The following NSMAF variants were observed in gnomAD, a reference collection of about 807,000 sequenced individuals.
NSMAF encodes the protein neutral sphingomyelinase activation associated factor, also known as protein FAN.
Under a neutral mutation model 134.9 loss-of-function variants are expected in NSMAF, and 90 were observed. The ratio of observed to expected loss-of-function variants is 0.67; its 90% confidence interval spans 0.56 to 0.79. The LOEUF (loss-of-function observed/expected upper bound fraction) is 0.79, where lower values mean the gene tolerates loss of function less well. NSMAF is among the 30% of genes least tolerant of loss of function. The pLI is 0.00. For missense variants in NSMAF, 1,010 were observed against 1,119.0 expected (o/e 0.90, Z 1.39); for synonymous variants, 358 against 389.6 (o/e 0.92, Z 0.96).
At position 58,659,750 on chromosome 8, in the gene NSMAF, C is replaced by G. The variant is rs978666149; in HGVS notation, c.-119G>C. 7 of 769,196 alleles carry G rather than the reference C, an allele frequency of 9.1e-6. No homozygotes were observed. The highest frequency in any genetic ancestry group is 3.8e-5 in the East Asian group (1 of 26,596). 47.6% of individuals were successfully genotyped at this position (769,196 alleles called of 1,614,324 possible). A position where few individuals can be genotyped will look rare whatever the true frequency, so the allele number is the denominator to read the frequency against. Reference sequence around the variant, plus strand: ...GGCCGGCTGGGGAGCGCGCGGCTGCCGGCCTGGCTTCCCCTGCGGCGCCGC... The same window carrying G: ...GGCCGGCTGGGGAGCGCGCGGCTGCGGGCCTGGCTTCCCCTGCGGCGCCGC... On this transcript the variant is annotated 5_prime_UTR_variant, in exon 1 of 31. Coordinates refer to ENST00000038176, the MANE Select transcript of NSMAF (RefSeq NM_003580.4).
chr8:58,622,430 G>A (rs1806807977), intron 9 of NSMAF, among the ~76,000 whole-genome samples: 1 of 151,376 alleles, frequency 6.6e-6, no homozygotes, highest in Non-Finnish European at 1.5e-5. Flanking sequence ...GTCTCGCACT[G>A]TCACCCGAGC....
At chr8:58,649,093 A>C (rs1445819794) in intron 1 of NSMAF, among the ~76,000 whole-genome samples, 1 of 152,238 alleles carries the variant, frequency 6.6e-6, no homozygotes, top group Non-Finnish European at 1.5e-5. Flanking sequence ...TGCACCCTTC[A>C]AAGCCACAGA....
intron 27 of NSMAF, among the ~76,000 whole-genome samples, chr8:58,587,409 A>C (rs1805910258): frequency 6.6e-6 from 1 of 152,246 alleles, no homozygotes; most frequent in Admixed American, 6.5e-5. Context: ...GGAAATGTGC[A>C]AAGAAGTAAC....
At position 58,584,134 on chromosome 8, in the gene NSMAF, T is replaced by C. The variant is rs934251864; in HGVS notation, c.2726A>G (p.Gln909Arg). 1 of 1,613,376 alleles carries C rather than the reference T, an allele frequency of 6.2e-7. No homozygotes were observed. Residue 909 changes from glutamine to arginine, a missense_variant, in exon 31 of 31, where the codon CAA becomes CGA. Gln to Arg is a conservative substitution (Grantham distance 43). Transcript: ENST00000038176. ...SSIITGGEDR[Q>R]IIFWKLQY Reference sequence around the variant, plus strand: ...ATACTGCAATTTCCAGAATATAATTTGTCTGTCTTCCCCTCCTGTGATGAT... The same window carrying C: ...ATACTGCAATTTCCAGAATATAATTCGTCTGTCTTCCCCTCCTGTGATGAT...
At chr8:58,659,485 C>T (rs981163367) in intron 1 of NSMAF, 88 bp downstream of exon 1, 1 of 1,498,816 alleles carries the variant, frequency 6.7e-7, no homozygotes, top group African/African-American at 1.5e-5. Context: ...CCCCACGCCG[C>T]CTCCCGTCCC....
At chr8:58,633,544 T>C (rs1336435364) in intron 5 of NSMAF, among the ~76,000 whole-genome samples, 2 of 152,238 alleles carry the variant, frequency 1.3e-5, no homozygotes, top group Non-Finnish European at 2.9e-5. Context: ...ATTTGTTTAT[T>C]GTCTGTCTCC....
At chr8:58,608,023 C>A (rs534153179) in intron 10 of NSMAF, among the ~76,000 whole-genome samples, 183 bp from the exon 11 acceptor site, 1 of 152,346 alleles carries the variant, frequency 6.6e-6, no homozygotes, top group South Asian at 2.1e-4. Context: ...CTTTCACTAG[C>A]TTTATGACCT....
chr8:58,584,248 C>T (rs2129138144), intron 30 of NSMAF, 48 bp from the exon 31 acceptor site: 1 of 1,378,942 alleles, frequency 7.3e-7, no homozygotes, highest in East Asian at 2.3e-5. Context: ...CAGGAGGCAC[C>T]CAAAGATAAA....
chr8:58,615,859 C>T (rs1806642905), intron 9 of NSMAF, among the ~76,000 whole-genome samples: 1 of 151,996 alleles, frequency 6.6e-6, no homozygotes, highest in Admixed American at 6.6e-5. Context: ...AGAAAAATAT[C>T]AACAAAGTCA....
intron 2 of NSMAF, among the ~76,000 whole-genome samples, chr8:58,638,993 A>T (rs1001089041): frequency 7.9e-5 from 12 of 152,140 alleles, no homozygotes; most frequent in Non-Finnish European, 1.8e-4. Flanking sequence ...TCAAAAGAAG[A>T]CATACAAATG....
At position 58,586,494 on chromosome 8, in the gene NSMAF, G is replaced by A. The variant is rs1171855134; in HGVS notation, c.2410C>T (p.His804Tyr). ...GCAGTGTCACATACAATCCCTGAATGGCATGGAATCTGGTGCATTAAGGTG... is the reference window on the plus strand; with the variant it reads ...GCAGTGTCACATACAATCCCTGAATAGCATGGAATCTGGTGCATTAAGGTG... ...TATLMHQIPC[H>Y]SGIVCDTAFS... Residue 804 changes from histidine (H) to tyrosine (Y), a missense_variant, in exon 28 of 31, where the codon CAT (histidine) becomes TAT (tyrosine). His to Tyr is a moderately conservative substitution (Grantham distance 83). Coordinates refer to ENST00000038176, the MANE Select transcript of NSMAF (RefSeq NM_003580.4). 1 of 1,610,574 alleles carries A rather than the reference G, an allele frequency of 6.2e-7. No individual in the cohort carries two copies. Among genetic ancestry groups the A allele is most frequent in the African/African-American group, 1.4e-5 (1 of 71,748 alleles).
chr8:58,628,734 C>G (rs1380649868), intron 6 of NSMAF, among the ~76,000 whole-genome samples: 2 of 152,028 alleles, frequency 1.3e-5, no homozygotes, highest in Non-Finnish European at 2.9e-5. Flanking sequence ...GTGGTAAACT[C>G]TGAGCTTTTG....
intron 2 of NSMAF, among the ~76,000 whole-genome samples, chr8:58,636,629 G>A (rs1807179098): frequency 6.6e-6 from 1 of 152,086 alleles, no homozygotes; most frequent in South Asian, 2.1e-4. Context: ...TTGCTTTGTG[G>A]GCCATATGGT....
At chr8:58,590,130 A>C in intron 24 of NSMAF, 56 bp from the exon 25 acceptor site, 1 of 1,451,158 alleles carries the variant, frequency 6.9e-7, no homozygotes, top group Non-Finnish European at 9.7e-7. Context: ...AGTCTCTAAC[A>C]CAGTAAAGCT....
At chr8:58,619,424 A>G (rs1224421154) in intron 9 of NSMAF, among the ~76,000 whole-genome samples, 1 of 152,204 alleles carries the variant, frequency 6.6e-6, no homozygotes, top group Non-Finnish European at 1.5e-5. Context: ...AAATGAACCT[A>G]TTTAACCAAT....
chr8:58,606,494 C>A (rs1806414814), intron 11 of NSMAF, among the ~76,000 whole-genome samples: 1 of 152,194 alleles, frequency 6.6e-6, no homozygotes, highest in Non-Finnish European at 1.5e-5. Flanking sequence ...CCGCTCACTG[C>A]AGCCTCAAAC....
chr8:58,593,764 T>G (rs1306602265), intron 23 of NSMAF, among the ~76,000 whole-genome samples: 1 of 152,254 alleles, frequency 6.6e-6, no homozygotes, highest in Non-Finnish European at 1.5e-5. Flanking sequence ...ATAAGCATAT[T>G]AAATAATACA....
At chr8:58,640,053 G>A (rs368109909) in intron 2 of NSMAF, 12 of 455,562 alleles carry the variant, frequency 2.6e-5, no homozygotes, top group African/African-American at 2.4e-4. Context: ...TGGAAGAAAT[G>A]GGGAGATGCT....
intron 16 of NSMAF, chr8:58,600,242 GCATAGAGTCCGAGTCCACAC>G: frequency 3.5e-6 from 2 of 569,138 alleles, no homozygotes; most frequent in Non-Finnish European, 6.2e-6. Flanking sequence ...GCGGGAGTGG[GCATAGAGTCCGAGTCCACAC>G]CATTAGCTAC....
Sources: allele counts gnomAD v4.1 joint callset (sites outside exome capture counted in the v4.1 genomes callset), GRCh38; gene constraint gnomAD v4.1.1; transcripts MANE v1.5; gene names NCBI Gene and HGNC (gene_info 2026-07-23, HGNC 2026-07-21).